Variants in OSBPL6 observed in about 807,000 individuals in gnomAD.
The protein encoded by OSBPL6 is oxysterol-binding protein-related protein 6.
In OSBPL6, 49 loss-of-function variants were observed where a neutral mutation model predicts 125.8. The ratio of observed to expected loss-of-function variants is 0.39; its 90% confidence interval spans 0.31 to 0.49. The LOEUF (loss-of-function observed/expected upper bound fraction) is 0.49, where lower values mean the gene tolerates loss of function less well. Among genes scored for constraint, OSBPL6 ranks in the 20% least tolerant of loss-of-function variants. OSBPL6 has a pLI of 0.88. For missense variants in OSBPL6, 986 were observed against 1,135.4 expected, an observed-to-expected ratio of 0.87 and a Z score of 1.89; for synonymous variants, 394 against 391.8, an observed-to-expected ratio of 1.01 and a Z score of -0.07.
chr2:178,212,888 A>T (rs1009477545), intron 1 of OSBPL6, among the ~76,000 whole-genome samples: 5 of 151,402 alleles, frequency 3.3e-5, no homozygotes, highest in Non-Finnish European at 7.4e-5. Context: ...GCTGACTGCA[A>T]CCTCCACCTC....
At chr2:178,353,573 G>A (rs888290287) in intron 12 of OSBPL6, among the ~76,000 whole-genome samples, 4 of 152,156 alleles carry the variant, frequency 2.6e-5, no homozygotes, top group African/African-American at 7.2e-5. Flanking sequence ...AATGAACAAA[G>A]CCTCCAAGAA....
At chr2:178,304,453 T>G (rs78765089) in intron 2 of OSBPL6, among the ~76,000 whole-genome samples, 2,673 of 152,212 alleles carry the variant, frequency 0.018, 62 homozygotes, top group South Asian at 0.11. Context: ...TGACCTCTCA[T>G]GAGGACAGGA....
chr2:178,322,701 G>T (rs1574864600), intron 3 of OSBPL6, among the ~76,000 whole-genome samples: 1 of 152,022 alleles, frequency 6.6e-6, no homozygotes, highest in Admixed American at 6.6e-5. Context: ...CTACTAAAGT[G>T]TGTAATTTCT....
Position 178,338,997 on chromosome 2 carries a change from C to T in OSBPL6, c.797C>T (p.Ala266Val), listed in dbSNP as rs148663743. The T allele has an allele frequency of 2.0e-5, 32 of 1,610,200 alleles. No homozygotes were observed. The Middle Eastern group carries it at 6.6e-4, about 33-fold the overall frequency. ...EEMDRCAEDL[A>V]HCQSNLVELS... is the part of the protein sequence containing the mutation. ...ATTTCTGATTTCTTATTAGATCTTG[C>T]ACATTGCCAGTCAAACCTTGTGGAA... The change falls in exon 10 of 25, where the codon GCA (alanine) becomes GTA (valine). Residue 266 changes from alanine to valine, a missense_variant. Around this residue, in one of 3 missense-constraint regions of OSBPL6, gnomAD observed 843 missense variants for 997.3 expected, o/e 0.85. Coordinates refer to ENST00000190611, the MANE Select transcript of OSBPL6 (RefSeq NM_032523.4).
intron 9 of OSBPL6, 96 bp from the exon 10 acceptor site, chr2:178,338,895 A>T: frequency 1.3e-6 from 1 of 753,374 alleles, no homozygotes; most frequent in Non-Finnish European, 2.2e-6. Context: ...GGATCTGCCT[A>T]CTTATATTTG....
At chr2:178,292,550 T>C (rs1184612281) in intron 2 of OSBPL6, among the ~76,000 whole-genome samples, 1 of 152,184 alleles carries the variant, frequency 6.6e-6, no homozygotes, top group Non-Finnish European at 1.5e-5. Flanking sequence ...CTAAGAGTCA[T>C]CTAAATAGAT....
At position 178,383,239 on chromosome 2, in the gene OSBPL6, G is replaced by A; in HGVS notation, c.1837G>A (p.Asp613Asn). ...CEEMEYSELL[D>N]KASETDDPYE... ...GGAAATGGAATACAGCGAGCTCCTG[G>A]ACAAGGCTTCGGAAACTGATGATCC... The change falls in exon 17 of 25, where the codon GAC (aspartate) becomes AAC (asparagine). Residue 613 changes from aspartate to asparagine, a missense_variant. Transcript: ENST00000190611. The A allele has an allele frequency of 6.2e-7, 1 of 1,614,172 alleles. No homozygotes were observed. Among genetic ancestry groups the A allele is most frequent in the Non-Finnish European group, 8.5e-7 (1 of 1,180,036 alleles).
chr2:178,258,510 C>T (rs1574655644), intron 1 of OSBPL6, among the ~76,000 whole-genome samples: 1 of 152,258 alleles, frequency 6.6e-6, no homozygotes, highest in South Asian at 2.1e-4. Context: ...TTATTGATAT[C>T]CCACCATTCT....
At chr2:178,229,697 G>A (rs143152116) in intron 1 of OSBPL6, among the ~76,000 whole-genome samples, 88 of 152,318 alleles carry the variant, frequency 5.8e-4, no homozygotes, top group Non-Finnish European at 2.9e-5. Flanking sequence ...AAGTGTGGTG[G>A]TGTGCACCTG....
At chr2:178,351,850 T>G (rs553176379) in intron 12 of OSBPL6, among the ~76,000 whole-genome samples, 1 of 151,382 alleles carries the variant, frequency 6.6e-6, no homozygotes, top group African/African-American at 2.4e-5. Flanking sequence ...GGGTGGAGGG[T>G]GGGAGGAGGG....
intron 1 of OSBPL6, among the ~76,000 whole-genome samples, chr2:178,215,098 TAAAAAAAAA>T (rs77043400): frequency 7.2e-6 from 1 of 138,890 alleles, no homozygotes; most frequent in Admixed American, 7.3e-5. Flanking sequence ...AATTATCCTT[TAAAAAAAAA>T]AAAAAGAAAA....
At chr2:178,312,932 G>T (rs1011816250) in intron 3 of OSBPL6, among the ~76,000 whole-genome samples, 12 of 151,096 alleles carry the variant, frequency 7.9e-5, no homozygotes, top group African/African-American at 2.9e-4. Context: ...TTTTGCTCTT[G>T]TTGCCCAGGC....
chr2:178,389,203 TAAAG>T (rs1695199602), intron 21 of OSBPL6, 50 bp downstream of exon 21: 2 of 1,561,468 alleles, frequency 1.3e-6, no homozygotes, highest in Non-Finnish European at 1.7e-6. Flanking sequence ...AAATGCTTCT[TAAAG>T]AAGAAATAGA....
intron 12 of OSBPL6, among the ~76,000 whole-genome samples, chr2:178,356,533 G>T (rs1198481274): frequency 6.6e-6 from 1 of 152,096 alleles, no homozygotes; most frequent in African/African-American, 2.4e-5. Flanking sequence ...ACTTACAAGG[G>T]ATGTGAAGGA....
intron 20 of OSBPL6, 82 bp from the exon 21 acceptor site, chr2:178,388,927 C>T: frequency 7.1e-7 from 1 of 1,409,092 alleles, no homozygotes; most frequent in Non-Finnish European, 9.6e-7. Context: ...AAGCTTTGGC[C>T]AAAGAATATT....
At chr2:178,230,822 C>T (rs746176482) in intron 1 of OSBPL6, among the ~76,000 whole-genome samples, 5 of 152,130 alleles carry the variant, frequency 3.3e-5, no homozygotes, top group African/African-American at 7.2e-5. Context: ...GCACAAATAC[C>T]TTCCATATCA....
intron 1 of OSBPL6, among the ~76,000 whole-genome samples, chr2:178,274,105 A>T (rs146717659): frequency 1.1e-3 from 170 of 152,232 alleles, no homozygotes; most frequent in African/African-American, 3.6e-3. Flanking sequence ...CAAAGTAATT[A>T]TTTTAGTGTA....
At chr2:178,218,426 A>G (rs1574516020) in intron 1 of OSBPL6, among the ~76,000 whole-genome samples, 2 of 151,116 alleles carry the variant, frequency 1.3e-5, no homozygotes, top group Admixed American at 6.6e-5. Flanking sequence ...AAAAAGAGAG[A>G]GAGAGAATGC....
chr2:178,254,662 G>T (rs1349185178), intron 1 of OSBPL6, among the ~76,000 whole-genome samples: 1 of 152,178 alleles, frequency 6.6e-6, no homozygotes, highest in Non-Finnish European at 1.5e-5. Flanking sequence ...CAGGCTAGTG[G>T]TGGCCACTAG....
Sources: allele counts gnomAD v4.1 joint callset (sites outside exome capture counted in the v4.1 genomes callset), GRCh38; gene constraint gnomAD v4.1.1; regional missense constraint gnomAD v4.1.1; transcripts MANE v1.5; gene names NCBI Gene and HGNC (gene_info 2026-07-23, HGNC 2026-07-21).